The following NDST4 variants were observed in gnomAD, a reference collection of about 807,000 sequenced individuals.
NDST4 encodes N-deacetylase and N-sulfotransferase 4, also known as N-heparan sulfate sulfotransferase 4.
In NDST4, 63 loss-of-function variants were observed where a neutral mutation model predicts 100.8. The observed-to-expected ratio is 0.62, with a 90% CI of 0.51 to 0.77. The LOEUF is 0.77. Ranked by LOEUF, NDST4 falls within the 30% of genes least tolerant of loss-of-function variation. The pLI is 0.00. For missense variants in NDST4, 943 were observed against 1,018.4 expected, an observed-to-expected ratio of 0.93 and a Z score of 1.01; for synonymous variants, 377 against 361.8, an observed-to-expected ratio of 1.04 and a Z score of -0.48.
chr4:115,062,688 G>A (rs1181718084), intron 2 of NDST4, among the ~76,000 whole-genome samples: 1 of 151,482 alleles, frequency 6.6e-6, no homozygotes, highest in African/African-American at 2.4e-5. Flanking sequence ...GGCATACAGA[G>A]TATGCAAACT....
chr4:115,087,577 T>C (rs1422830702), intron 1 of NDST4, among the ~76,000 whole-genome samples: 1 of 151,828 alleles, frequency 6.6e-6, no homozygotes, highest in African/African-American at 2.4e-5. Context: ...ATGGAGTTCA[T>C]GTGAAAAGTG....
intron 6 of NDST4, among the ~76,000 whole-genome samples, chr4:114,924,546 A>G (rs1725351585): frequency 6.6e-6 from 1 of 152,048 alleles, no homozygotes; most frequent in Admixed American, 6.6e-5. Context: ...TTCCTCTCAC[A>G]GTTGGTGGCT....
chr4:114,903,593 G>A (rs914568342), intron 6 of NDST4, among the ~76,000 whole-genome samples: 5 of 151,892 alleles, frequency 3.3e-5, no homozygotes, highest in Admixed American at 6.6e-5. Context: ...CCAATTTTGA[G>A]GGCAGAGGTA....
intron 2 of NDST4, 52 bp from the exon 3 acceptor site, chr4:114,977,326 T>C: frequency 7.8e-7 from 1 of 1,284,520 alleles, no homozygotes; most frequent in Non-Finnish European, 1.1e-6. Flanking sequence ...TATGAAGTTT[T>C]GGGATGCCTC....
intron 6 of NDST4, among the ~76,000 whole-genome samples, chr4:114,933,538 A>C (rs141586621): frequency 6.6e-6 from 1 of 150,764 alleles, no homozygotes; most frequent in Admixed American, 6.6e-5. Flanking sequence ...TTGCACAGCA[A>C]CGGACATAAA....
At chr4:114,858,300 T>C (rs983368219) in intron 7 of NDST4, among the ~76,000 whole-genome samples, 2 of 152,188 alleles carry the variant, frequency 1.3e-5, no homozygotes, top group African/African-American at 4.8e-5. Flanking sequence ...TAACTCTCCT[T>C]CTCTGCCCAC....
At chr4:115,022,354 C>T (rs1428518250) in intron 2 of NDST4, among the ~76,000 whole-genome samples, 1 of 136,658 alleles carries the variant, frequency 7.3e-6, no homozygotes, top group African/African-American at 2.7e-5. Flanking sequence ...CATATGTGTT[C>T]CACGTACATA....
chr4:115,067,165 G>A (rs758431196), intron 2 of NDST4, among the ~76,000 whole-genome samples: 1 of 151,978 alleles, frequency 6.6e-6, no homozygotes, highest in Non-Finnish European at 1.5e-5. Flanking sequence ...TTCACATACT[G>A]CTTGCTTGAC....
chr4:114,843,483 AC>A (rs1207592872), intron 10 of NDST4, among the ~76,000 whole-genome samples: 3 of 152,166 alleles, frequency 2.0e-5, no homozygotes, highest in Non-Finnish European at 4.4e-5. Context: ...GTCCTGTTTT[AC>A]CCCTTCAAAA....
chr4:115,084,194 G>T (rs1256926495), intron 1 of NDST4, among the ~76,000 whole-genome samples: 1 of 152,196 alleles, frequency 6.6e-6, no homozygotes, highest in Non-Finnish European at 1.5e-5. Context: ...GAATAAAGGG[G>T]ATTCTTGCTA....
chr4:114,902,754 C>T (rs752583920), intron 6 of NDST4, among the ~76,000 whole-genome samples: 1 of 151,726 alleles, frequency 6.6e-6, no homozygotes, highest in African/African-American at 2.4e-5. Flanking sequence ...CTGGATTTTT[C>T]TTTTCAGTCT....
At chr4:115,016,251 A>C (rs1292990844) in intron 2 of NDST4, among the ~76,000 whole-genome samples, 2 of 152,068 alleles carry the variant, frequency 1.3e-5, no homozygotes, top group African/African-American at 4.8e-5. Context: ...TACAGCACCA[A>C]GTAGGTGGCA....
chr4:115,089,699 G>A (rs1231010103), intron 1 of NDST4, among the ~76,000 whole-genome samples: 1 of 151,886 alleles, frequency 6.6e-6, no homozygotes, highest in Non-Finnish European at 1.5e-5. Flanking sequence ...TAGACACACA[G>A]TAGATTAGTA....
chr4:114,864,794 A>G (rs558111469), intron 7 of NDST4, among the ~76,000 whole-genome samples: 1 of 152,262 alleles, frequency 6.6e-6, no homozygotes, highest in East Asian at 1.9e-4. Context: ...AAGTACCCTG[A>G]ATTTCAAAGG....
intron 6 of NDST4, among the ~76,000 whole-genome samples, chr4:114,896,605 AGAGT>A (rs1292789870): frequency 8.1e-5 from 12 of 148,946 alleles, no homozygotes; most frequent in South Asian, 4.4e-4. Context: ...GTCTAGTGAC[AGAGT>A]GAGACTCCGT....
At chr4:115,047,067 C>G (rs1002737355) in intron 2 of NDST4, among the ~76,000 whole-genome samples, 1 of 151,794 alleles carries the variant, frequency 6.6e-6, no homozygotes, top group Non-Finnish European at 1.5e-5. Context: ...TTGCAAGATA[C>G]AATGAACAAA....
intron 6 of NDST4, among the ~76,000 whole-genome samples, chr4:114,877,457 T>C (rs953774939): frequency 1.3e-5 from 2 of 152,210 alleles, no homozygotes; most frequent in African/African-American, 4.8e-5. Context: ...AAATGATTGT[T>C]TCACTTGGAA....
intron 2 of NDST4, among the ~76,000 whole-genome samples, chr4:114,987,697 AG>A (rs1204958496): frequency 2.6e-5 from 4 of 152,222 alleles, no homozygotes; most frequent in African/African-American, 9.6e-5. Context: ...CCACTAGAGA[AG>A]GTCTCAACCC....
chr4:114,944,030 A>T (rs797002602), intron 4 of NDST4, among the ~76,000 whole-genome samples: 9 of 152,286 alleles, frequency 5.9e-5, no homozygotes, highest in African/African-American at 1.9e-4. Context: ...CAGAGAGGAG[A>T]TTTAGACCAA....
Sources: gnomAD v4.1 joint callset for allele counts (sites outside exome capture counted in the v4.1 genomes callset) on GRCh38, gnomAD v4.1.1 for gene constraint, MANE v1.5 for transcripts, NCBI Gene and HGNC (gene_info 2026-07-23, HGNC 2026-07-21) for gene names.